The following CFAP61 variants were observed in gnomAD, a reference collection of about 807,000 sequenced individuals.
CFAP61 encodes cilia and flagella associated protein 61.
CFAP61 carries 107 observed loss-of-function variants against 135.6 expected under a neutral mutation model. The observed-to-expected ratio is 0.79, with a 90% CI of 0.67 to 0.93. The LOEUF is 0.93. CFAP61 is among the 40% of genes least tolerant of loss of function. The pLI, the probability that CFAP61 is intolerant of heterozygous loss-of-function variation, is 0.00. For synonymous variants in CFAP61, 575 were observed against 578.5 expected (o/e 0.99, Z 0.09); for missense variants, 1,507 against 1,556.2 (o/e 0.97, Z 0.53).
chr20:20,111,390 T>G (rs987458589), intron 8 of CFAP61, among the ~76,000 whole-genome samples: 2 of 152,098 alleles, frequency 1.3e-5, no homozygotes, highest in African/African-American at 4.8e-5. Context: ...CCCCCAAATA[T>G]CCTAAGATTC....
intron 20 of CFAP61, among the ~76,000 whole-genome samples, chr20:20,252,745 C>T (rs375432627): frequency 1.1e-4 from 16 of 152,188 alleles, no homozygotes; most frequent in Non-Finnish European, 2.2e-4. Context: ...CGTCGCCAAG[C>T]GCAGAGGAGG....
At chr20:20,086,804 G>A (rs1401813599) in intron 6 of CFAP61, among the ~76,000 whole-genome samples, 1 of 152,146 alleles carries the variant, frequency 6.6e-6, no homozygotes, top group South Asian at 2.1e-4. Context: ...CACCTTGGCC[G>A]TAAGAATTAG....
chr20:20,358,539 C>G (rs1023847676), intron 26 of CFAP61, among the ~76,000 whole-genome samples: 7 of 152,176 alleles, frequency 4.6e-5, no homozygotes, highest in African/African-American at 1.7e-4. Context: ...CAACCTCATA[C>G]ACATTGCAGA....
chr20:20,098,084 G>A (rs140974293), intron 7 of CFAP61, among the ~76,000 whole-genome samples: 20 of 152,308 alleles, frequency 1.3e-4, no homozygotes, highest in African/African-American at 3.8e-4. Flanking sequence ...GAGGGCAAGT[G>A]TTCCAATGGT....
rs1192708359 is a variant in CFAP61 at position 20,298,466 on chromosome 20, TGC to T, written c.3422+81_3422+82del. 15 of 1,266,786 alleles carry T rather than the reference TGC, an allele frequency of 1.2e-5. No homozygotes were observed. In the Admixed American group the frequency reaches 2.4e-4, roughly 20 times the overall value. The allele number at this position is 1,266,786 out of a possible 1,614,324, so 78.5% of individuals were successfully genotyped here. A position where few individuals can be genotyped will look rare whatever the true frequency, so the allele number is the denominator to read the frequency against. ...TGTGAATGAGGGACATGTGTTGTGATGCACCCGAGAGCAAAACGGGAATCCCA... is the reference window on the plus strand; with the variant it reads ...TGTGAATGAGGGACATGTGTTGTGATACCCGAGAGCAAAACGGGAATCCCA... On this transcript the variant is annotated intron_variant, in intron 25 of 26. Coordinates refer to ENST00000245957, the MANE Select transcript of CFAP61 (RefSeq NM_015585.4).
At chr20:20,224,232 C>A (rs1454943172) in intron 17 of CFAP61, among the ~76,000 whole-genome samples, 2 of 152,178 alleles carry the variant, frequency 1.3e-5, no homozygotes, top group African/African-American at 4.8e-5. Flanking sequence ...ATTTCAGAAG[C>A]TCATAGGGAA....
At chr20:20,167,376 T>C (rs922400524) in intron 12 of CFAP61, among the ~76,000 whole-genome samples, 1 of 152,224 alleles carries the variant, frequency 6.6e-6, no homozygotes, top group Non-Finnish European at 1.5e-5. Flanking sequence ...ACCCTGAACA[T>C]AGGATTTACA....
chr20:20,178,030 T>C (rs1236904241), intron 13 of CFAP61, among the ~76,000 whole-genome samples: 3 of 152,214 alleles, frequency 2.0e-5, no homozygotes, highest in African/African-American at 7.2e-5. Flanking sequence ...GACCTTGTGT[T>C]CTGGTCCTCC....
chr20:20,269,969 C>G (rs560771871), intron 21 of CFAP61, among the ~76,000 whole-genome samples: 319 of 152,252 alleles, frequency 2.1e-3, no homozygotes, highest in African/African-American at 7.4e-3. Context: ...ATGATAAACC[C>G]TGTCTCACAG....
intron 16 of CFAP61, among the ~76,000 whole-genome samples, chr20:20,197,850 C>T (rs867405044): frequency 1.3e-5 from 2 of 152,224 alleles, no homozygotes; most frequent in African/African-American, 4.8e-5. Context: ...TGAACTCAAA[C>T]TTTCCCATGT....
At chr20:20,351,362 C>T (rs2122437350) in intron 26 of CFAP61, among the ~76,000 whole-genome samples, 1 of 152,232 alleles carries the variant, frequency 6.6e-6, no homozygotes, top group South Asian at 2.1e-4. Flanking sequence ...GGGCAGATCA[C>T]CTGAGGTCGG....
At chr20:20,273,426 TG>T (rs575675488) in intron 21 of CFAP61, among the ~76,000 whole-genome samples, 1 of 152,192 alleles carries the variant, frequency 6.6e-6, no homozygotes, top group Non-Finnish European at 1.5e-5. Flanking sequence ...ATTCTGTGAC[TG>T]GATAGTTCTT....
At chr20:20,235,748 A>G (rs1453164230) in intron 18 of CFAP61, among the ~76,000 whole-genome samples, 1 of 152,140 alleles carries the variant, frequency 6.6e-6, no homozygotes, top group Non-Finnish European at 1.5e-5. Context: ...CTGCCCCCCA[A>G]CTTACAGCAT....
chr20:20,201,768 T>C (rs1232700715), intron 17 of CFAP61, among the ~76,000 whole-genome samples: 1 of 152,214 alleles, frequency 6.6e-6, no homozygotes, highest in Non-Finnish European at 1.5e-5. Flanking sequence ...CCGTATCAGA[T>C]CAGGGTCAGG....
At chr20:20,211,062 A>G (rs1008854392) in intron 17 of CFAP61, among the ~76,000 whole-genome samples, 1 of 152,222 alleles carries the variant, frequency 6.6e-6, no homozygotes, top group African/African-American at 2.4e-5. Context: ...TTCAAATTAA[A>G]CTGAGATGGA....
chr20:20,283,059 A>T (rs564172248), intron 22 of CFAP61, among the ~76,000 whole-genome samples: 128 of 152,350 alleles, frequency 8.4e-4, no homozygotes, highest in Admixed American at 1.6e-3. Context: ...TGTTAGTTCA[A>T]TATGGTTGAC....
intron 25 of CFAP61, among the ~76,000 whole-genome samples, chr20:20,300,750 C>T (rs2056024135): frequency 6.6e-6 from 1 of 151,924 alleles, no homozygotes; most frequent in East Asian, 1.9e-4. Flanking sequence ...GGATTACAGG[C>T]ACGTGCTACC....
intron 25 of CFAP61, among the ~76,000 whole-genome samples, chr20:20,336,316 A>G (rs59344280): frequency 0.012 from 1,893 of 152,268 alleles, 44 homozygotes; most frequent in African/African-American, 0.043. Flanking sequence ...AAAAGTAATT[A>G]TTTCAGTTTT....
intron 25 of CFAP61, among the ~76,000 whole-genome samples, chr20:20,313,629 G>T (rs2056952333): frequency 6.6e-6 from 1 of 152,186 alleles, no homozygotes; most frequent in East Asian, 1.9e-4. Context: ...TAGGCATAAA[G>T]GTAGTGTCCT....
Sources: gnomAD v4.1 joint callset for allele counts (sites outside exome capture counted in the v4.1 genomes callset) on GRCh38, gnomAD v4.1.1 for gene constraint, MANE v1.5 for transcripts, NCBI Gene and HGNC (gene_info 2026-07-23, HGNC 2026-07-21) for gene names.